The following FGF12 variants were observed in gnomAD, a reference collection of about 807,000 sequenced individuals.
FGF12 encodes fibroblast growth factor 12B.
A neutral mutation model predicts 23.6 loss-of-function variants in FGF12; 14 were observed. That is an observed-to-expected ratio of 0.59 (90% CI 0.39 to 0.93). FGF12 has a LOEUF of 0.93. Ranked by LOEUF, FGF12 falls within the 40% of genes least tolerant of loss-of-function variation. FGF12 has a pLI of 0.00. For synonymous variants in FGF12, 62 were observed against 77.3 expected (o/e 0.80, Z 1.04); for missense variants, 175 against 217.8 (o/e 0.80, Z 1.24).
intron 2 of FGF12, among the ~76,000 whole-genome samples, chr3:192,573,759 A>G (rs1262210595): frequency 6.6e-6 from 1 of 152,244 alleles, no homozygotes; most frequent in Admixed American, 6.5e-5. Context: ...ATTTGGGTAT[A>G]AGAAACAAAC....
chr3:192,408,419 T>C lies in FGF12; in HGVS notation c.14-47881A>G. 1 of 1,398,906 alleles carries C rather than the reference T, an allele frequency of 7.1e-7. No homozygotes were observed. Among genetic ancestry groups the C allele is most frequent in the African/African-American group, 1.5e-5 (1 of 68,284 alleles). 86.7% of individuals were successfully genotyped at this position (1,398,906 alleles called of 1,614,324 possible). On this transcript the variant is annotated intron_variant, in intron 2 of 5. Coordinates refer to ENST00000445105, the MANE Select transcript of FGF12 (RefSeq NM_004113.6). This position sits in a 1 kb window ranked among gnomAD's most constrained non-coding sequence, Gnocchi z 7.3. Reference sequence around the variant, plus strand: ...AAGTCTGGGCAGTGGCGACAAAATGTGTGAAAATCCAGATGTAAACTTCCC... The same window carrying C: ...AAGTCTGGGCAGTGGCGACAAAATGCGTGAAAATCCAGATGTAAACTTCCC...
At chr3:192,251,657 A>G (rs915489913) in intron 4 of FGF12, among the ~76,000 whole-genome samples, 4 of 152,188 alleles carry the variant, frequency 2.6e-5, no homozygotes, top group African/African-American at 7.2e-5. Flanking sequence ...CTACATTGCA[A>G]TAATAATGAA....
At chr3:192,636,409 C>T (rs868725047) in intron 2 of FGF12, among the ~76,000 whole-genome samples, 2 of 152,348 alleles carry the variant, frequency 1.3e-5, no homozygotes, top group Non-Finnish European at 2.9e-5. Flanking sequence ...ATTTCCATCG[C>T]TGCAGAAAGT....
At chr3:192,661,431 CAGG>C (rs1185325413) in intron 2 of FGF12, among the ~76,000 whole-genome samples, 2 of 152,120 alleles carry the variant, frequency 1.3e-5, no homozygotes, top group Non-Finnish European at 2.9e-5. Flanking sequence ...GAGACTGAGG[CAGG>C]AGAATTGCTT....
chr3:192,387,901 T>C (rs935574663), intron 2 of FGF12, among the ~76,000 whole-genome samples: 4 of 151,442 alleles, frequency 2.6e-5, no homozygotes, highest in Admixed American at 2.0e-4. Flanking sequence ...AAATAAAAAG[T>C]AACAAGATAG....
At chr3:192,657,461 C>T (rs1343756863) in intron 2 of FGF12, among the ~76,000 whole-genome samples, 2 of 149,774 alleles carry the variant, frequency 1.3e-5, no homozygotes, top group East Asian at 1.9e-4. Flanking sequence ...GTAAAACAAG[C>T]TCCTAAAAGA....
intron 4 of FGF12, among the ~76,000 whole-genome samples, chr3:192,171,580 T>G (rs1017819576): frequency 1.3e-5 from 2 of 151,636 alleles, no homozygotes; most frequent in Non-Finnish European, 2.9e-5. Context: ...CAAAATGTAT[T>G]GTGTGGAAGG....
chr3:192,583,897 C>A (rs1713262525), intron 2 of FGF12, among the ~76,000 whole-genome samples: 1 of 152,152 alleles, frequency 6.6e-6, no homozygotes, highest in Non-Finnish European at 1.5e-5. Context: ...TTCAGTCTGA[C>A]TAGCTTTACA....
chr3:192,320,408 C>T (rs1411058371), intron 4 of FGF12, among the ~76,000 whole-genome samples: 1 of 152,180 alleles, frequency 6.6e-6, no homozygotes, highest in Non-Finnish European at 1.5e-5. Context: ...TTGGACAGAT[C>T]ATCCAGACAG....
chr3:192,568,391 G>A (rs1211596287), intron 2 of FGF12, among the ~76,000 whole-genome samples: 1 of 152,100 alleles, frequency 6.6e-6, no homozygotes, highest in Non-Finnish European at 1.5e-5. Flanking sequence ...ACCCTTCCGT[G>A]TGTTTAGTTG....
intron 4 of FGF12, among the ~76,000 whole-genome samples, chr3:192,329,086 T>A (rs1178858467): frequency 6.6e-6 from 1 of 152,196 alleles, no homozygotes; most frequent in Non-Finnish European, 1.5e-5. Context: ...AATCTTCCTT[T>A]ACCAGGGAAT....
chr3:192,183,108 T>C (rs1716270217), intron 4 of FGF12, among the ~76,000 whole-genome samples: 1 of 152,162 alleles, frequency 6.6e-6, no homozygotes, highest in African/African-American at 2.4e-5. Context: ...GGACGCAGCA[T>C]GTGGTGCAGT....
chr3:192,438,962 C>A (rs1722111166), intron 2 of FGF12, among the ~76,000 whole-genome samples: 1 of 152,166 alleles, frequency 6.6e-6, no homozygotes, highest in South Asian at 2.1e-4. Context: ...AAGCCCCCAC[C>A]TTGTCCTGAA....
chr3:192,536,456 T>C (rs1725224383), intron 2 of FGF12, among the ~76,000 whole-genome samples: 1 of 152,176 alleles, frequency 6.6e-6, no homozygotes, highest in African/African-American at 2.4e-5. Flanking sequence ...GGTGCCATCA[T>C]GTGTGAAGAC....
chr3:192,312,813 T>C (rs1319842398), intron 4 of FGF12, among the ~76,000 whole-genome samples: 6 of 152,040 alleles, frequency 3.9e-5, no homozygotes, highest in Non-Finnish European at 5.9e-5. Context: ...CTTCTCTCTC[T>C]TATGGCACCT....
At chr3:192,418,276 T>C (rs1046990969) in intron 2 of FGF12, among the ~76,000 whole-genome samples, 16 of 152,132 alleles carry the variant, frequency 1.1e-4, no homozygotes, top group African/African-American at 3.1e-4. Context: ...CGCAGCACCA[T>C]AGAAATAACA....
At chr3:192,670,219 T>G (rs2108693230) in intron 2 of FGF12, among the ~76,000 whole-genome samples, 1 of 152,280 alleles carries the variant, frequency 6.6e-6, no homozygotes, top group South Asian at 2.1e-4. Context: ...AAATATAAAA[T>G]AATGCTATTC....
chr3:192,360,633 G>A lies in FGF12; in HGVS notation c.14-95C>T, dbSNP rs770964380. 2 of 797,152 alleles carry A rather than the reference G, an allele frequency of 2.5e-6. No homozygotes were observed. Among genetic ancestry groups the A allele is most frequent in the South Asian group, 1.5e-5 (1 of 67,546 alleles). 49.4% of individuals were successfully genotyped at this position (797,152 alleles called of 1,614,324 possible). A position where few individuals can be genotyped will look rare whatever the true frequency, so the allele number is the denominator to read the frequency against. On this transcript the variant is annotated intron_variant, in intron 2 of 5. Coordinates refer to ENST00000445105, the MANE Select transcript of FGF12 (RefSeq NM_004113.6). This position sits in a 1 kb window ranked among gnomAD's most constrained non-coding sequence, Gnocchi z 4.3. Reference sequence around the variant, plus strand: ...ACATCCTGTAAGTAAATACGTAAATGCCAATAGCTTAAATATTGAATTATG... The same window carrying A: ...ACATCCTGTAAGTAAATACGTAAATACCAATAGCTTAAATATTGAATTATG...
intron 4 of FGF12, among the ~76,000 whole-genome samples, chr3:192,184,069 C>T (rs1201526272): frequency 6.6e-6 from 1 of 152,000 alleles, no homozygotes; most frequent in Non-Finnish European, 1.5e-5. Context: ...CAAAAACATA[C>T]AAAAATTACC....
Sources: allele counts gnomAD v4.1 joint callset (sites outside exome capture counted in the v4.1 genomes callset), GRCh38; gene constraint gnomAD v4.1.1; non-coding constraint Gnocchi (gnomAD v3.1); transcripts MANE v1.5; gene names NCBI Gene and HGNC (gene_info 2026-07-23, HGNC 2026-07-21).